CCSER1: variants seen among roughly 807,000 people sequenced by gnomAD.
The protein encoded by CCSER1 is serine-rich coiled-coil domain-containing protein 1.
CCSER1 carries 41 observed loss-of-function variants against 82.0 expected under a neutral mutation model. The observed-to-expected ratio is 0.50, with a 90% CI of 0.39 to 0.65. CCSER1 has a LOEUF of 0.65. Ranked by LOEUF, CCSER1 falls within the 30% of genes least tolerant of loss-of-function variation. The pLI is 0.00. For missense variants in CCSER1, 1,119 were observed against 1,064.2 expected, an observed-to-expected ratio of 1.05 and a Z score of -0.72; for synonymous variants, 414 against 383.9, an observed-to-expected ratio of 1.08 and a Z score of -0.92.
At chr4:90,204,014 C>G (rs1175837234) in intron 1 of CCSER1, among the ~76,000 whole-genome samples, 1 of 152,150 alleles carries the variant, frequency 6.6e-6, no homozygotes, top group East Asian at 1.9e-4. Context: ...CTGTTCACAT[C>G]CTTCACCCAC....
At chr4:90,448,109 A>C (rs1292074063) in intron 4 of CCSER1, among the ~76,000 whole-genome samples, 1 of 152,076 alleles carries the variant, frequency 6.6e-6, no homozygotes, top group East Asian at 1.9e-4. Context: ...TTATTCTAAT[A>C]TATCAAGCAC....
intron 3 of CCSER1, among the ~76,000 whole-genome samples, chr4:90,325,219 A>T (rs1487535981): frequency 1.3e-5 from 2 of 152,208 alleles, no homozygotes; most frequent in African/African-American, 4.8e-5. Flanking sequence ...TCTACCTCCT[A>T]CATTATTAAA....
intron 3 of CCSER1, among the ~76,000 whole-genome samples, chr4:90,361,739 A>G (rs1745424585): frequency 6.6e-6 from 1 of 152,162 alleles, no homozygotes; most frequent in South Asian, 2.1e-4. Flanking sequence ...TTTTTAAGTG[A>G]TAACATGTGG....
chr4:91,395,390 G>C (rs1453791877), intron 10 of CCSER1, among the ~76,000 whole-genome samples: 1 of 151,986 alleles, frequency 6.6e-6, no homozygotes, highest in Non-Finnish European at 1.5e-5. Flanking sequence ...GTTAGTTTCT[G>C]GTAAAGAAGG....
chr4:90,177,896 C>G (rs1733001239), intron 1 of CCSER1, among the ~76,000 whole-genome samples: 1 of 151,960 alleles, frequency 6.6e-6, no homozygotes, highest in Non-Finnish European at 1.5e-5. Flanking sequence ...GTTGAATGTC[C>G]CTAATCTGAA....
At chr4:91,510,123 C>G (rs1759741907) in intron 10 of CCSER1, among the ~76,000 whole-genome samples, 1 of 152,108 alleles carries the variant, frequency 6.6e-6, no homozygotes, top group Non-Finnish European at 1.5e-5. Flanking sequence ...GTTTTCTGTT[C>G]CTGCATTATT....
intron 9 of CCSER1, among the ~76,000 whole-genome samples, chr4:91,059,191 T>G (rs1240437102): frequency 6.6e-6 from 1 of 151,880 alleles, no homozygotes; most frequent in Non-Finnish European, 1.5e-5. Context: ...GTTTATATTC[T>G]GTCTATATTA....
At chr4:90,444,421 T>G (rs1020604036) in intron 4 of CCSER1, among the ~76,000 whole-genome samples, 1 of 152,114 alleles carries the variant, frequency 6.6e-6, no homozygotes, top group Non-Finnish European at 1.5e-5. Flanking sequence ...TTGTCATTTT[T>G]CTCATAGCTA....
At chr4:91,147,591 C>T (rs1729674481) in intron 10 of CCSER1, among the ~76,000 whole-genome samples, 1 of 152,214 alleles carries the variant, frequency 6.6e-6, no homozygotes, top group South Asian at 2.1e-4. Flanking sequence ...AGGCAGTGTG[C>T]TTGAATTCCC....
At chr4:90,171,463 A>G (rs1416791334) in intron 1 of CCSER1, among the ~76,000 whole-genome samples, 9 of 151,966 alleles carry the variant, frequency 5.9e-5, no homozygotes, top group Non-Finnish European at 1.0e-4. Flanking sequence ...TATATCATTT[A>G]CTTAAAAACC....
intron 5 of CCSER1, among the ~76,000 whole-genome samples, chr4:90,605,023 T>A (rs1003363516): frequency 6.6e-6 from 1 of 152,194 alleles, no homozygotes; most frequent in Non-Finnish European, 1.5e-5. Flanking sequence ...GTGGGAGGTT[T>A]GTTCTTTGGC....
intron 10 of CCSER1, among the ~76,000 whole-genome samples, chr4:91,459,371 G>A (rs1301456472): frequency 1.3e-5 from 2 of 151,988 alleles, no homozygotes; most frequent in Admixed American, 1.3e-4. Context: ...ATGTATATAG[G>A]CATGAGTGTT....
rs560265788 is a variant in CCSER1 at position 91,602,729 on chromosome 4, C to A, written c.*3672C>A. 1.8e-4 allele frequency among the ~76,000 whole-genome samples: 28 copies of A among 151,946 alleles called. No homozygotes were observed. Among genetic ancestry groups the A allele is most frequent in the African/African-American group, 5.8e-4 (24 of 41,482 alleles). On this transcript the variant is annotated 3_prime_UTR_variant, in exon 11 of 11. Coordinates refer to ENST00000509176, the MANE Select transcript of CCSER1 (RefSeq NM_001145065.2). ...TTGAAACATATACACACAGATGAAA[C>A]TAGAAAAGAAAGGGCAATACATGTG...
At chr4:90,838,390 T>C (rs980788412) in intron 8 of CCSER1, among the ~76,000 whole-genome samples, 1 of 151,758 alleles carries the variant, frequency 6.6e-6, no homozygotes, top group Admixed American at 6.6e-5. Flanking sequence ...TGAACTGTTT[T>C]CTACTGTTAT....
chr4:91,131,100 G>C (rs1160213618), intron 10 of CCSER1, among the ~76,000 whole-genome samples: 1 of 151,758 alleles, frequency 6.6e-6, no homozygotes. Context: ...AGAGAAAACA[G>C]TGTTCCAGAG....
chr4:90,874,932 G>A (rs544519125), intron 8 of CCSER1, among the ~76,000 whole-genome samples: 2 of 152,244 alleles, frequency 1.3e-5, no homozygotes, highest in East Asian at 1.9e-4. Context: ...TATAGTCCCA[G>A]CTACTCAGAA....
chr4:91,156,974 CG>C (rs1329742512), intron 10 of CCSER1, among the ~76,000 whole-genome samples: 1 of 151,904 alleles, frequency 6.6e-6, no homozygotes, highest in African/African-American at 2.4e-5. Context: ...CCATGTACGA[CG>C]TTACTGATGG....
intron 10 of CCSER1, among the ~76,000 whole-genome samples, chr4:91,549,477 T>G (rs922821077): frequency 6.6e-6 from 1 of 151,680 alleles, no homozygotes; most frequent in Non-Finnish European, 1.5e-5. Context: ...GGAAAACAGG[T>G]CTTTCATAAT....
intron 5 of CCSER1, among the ~76,000 whole-genome samples, chr4:90,570,597 G>A (rs1366007015): frequency 6.6e-6 from 1 of 152,150 alleles, no homozygotes; most frequent in Admixed American, 6.5e-5. Context: ...CCCTAAGAGA[G>A]GGGGTGAATG....
Sources: gnomAD v4.1 joint callset for allele counts (sites outside exome capture counted in the v4.1 genomes callset) on GRCh38, gnomAD v4.1.1 for gene constraint, MANE v1.5 for transcripts, NCBI Gene and HGNC (gene_info 2026-07-23, HGNC 2026-07-21) for gene names.